The following DNM3 variants were observed in gnomAD, a reference collection of about 807,000 sequenced individuals.
DNM3 encodes the protein dynamin-3.
Under a neutral mutation model 101.6 loss-of-function variants are expected in DNM3, and 47 were observed. The observed-to-expected ratio is 0.46, with a 90% CI of 0.37 to 0.59. The LOEUF is 0.59. Among genes scored for constraint, DNM3 ranks in the 20% least tolerant of loss-of-function variants. The pLI, the probability that DNM3 is intolerant of heterozygous loss-of-function variation, is 0.00. For missense variants in DNM3, 849 were observed against 1,085.7 expected (o/e 0.78, Z 3.06); for synonymous variants, 385 against 387.9 (o/e 0.99, Z 0.09).
chr1:172,347,917 A>G (rs1253125241), intron 17 of DNM3, among the ~76,000 whole-genome samples: 4 of 152,172 alleles, frequency 2.6e-5, no homozygotes, highest in Non-Finnish European at 5.9e-5. Context: ...AGTACATTCA[A>G]TGGTATGCAT....
chr1:172,405,194 T>TCCCCCC (rs773412507), intron 20 of DNM3, among the ~76,000 whole-genome samples: 115 of 152,262 alleles, frequency 7.6e-4, no homozygotes, highest in Non-Finnish European at 1.5e-3. Flanking sequence ...TCTTCATTTG[T>TCCCCCC]CCATTATTCA....
At chr1:172,025,564 A>T (rs1397482123) in intron 4 of DNM3, among the ~76,000 whole-genome samples, 1 of 152,138 alleles carries the variant, frequency 6.6e-6, no homozygotes, top group Non-Finnish European at 1.5e-5. Flanking sequence ...TCCGGCTGGC[A>T]TCTTGTGGGT....
intron 17 of DNM3, chr1:172,370,420 G>C (rs185994433): frequency 1.1e-3 from 161 of 152,094 alleles, no homozygotes; most frequent in African/African-American, 3.7e-3. Context: ...AGCAAAAGCA[G>C]TGAGATGCTA....
chr1:172,364,972 T>C (rs1465468887), intron 17 of DNM3, among the ~76,000 whole-genome samples: 1 of 151,932 alleles, frequency 6.6e-6, no homozygotes, highest in African/African-American at 2.4e-5. Flanking sequence ...TGCAGAGTCC[T>C]GAGCCAATTA....
intron 17 of DNM3, among the ~76,000 whole-genome samples, chr1:172,324,559 A>G (rs2065864042): frequency 6.6e-6 from 1 of 152,204 alleles, no homozygotes; most frequent in African/African-American, 2.4e-5. Flanking sequence ...AGGTGAACTC[A>G]GTCGACTTAT....
rs373211480 is a variant in DNM3 at position 172,038,311 on chromosome 1, T to A, written c.850-8T>A. ...TTCAATCTGTGTGTATCATTTTGTT[T>A]TGTTTAGCAACTTACCAACCACATT... On this transcript the variant is annotated splice_region_variant and splice_polypyrimidine_tract_variant and intron_variant, in intron 6 of 20. Coordinates refer to ENST00000627582, the MANE Select transcript of DNM3 (RefSeq NM_015569.5). 1.7e-4 allele frequency: 280 copies of A among 1,613,010 alleles called. No homozygotes were observed. Among genetic ancestry groups the A allele is most frequent in the Non-Finnish European group, 2.2e-4 (255 of 1,179,402 alleles).
intron 17 of DNM3, among the ~76,000 whole-genome samples, chr1:172,337,505 A>C (rs1328938588): frequency 6.6e-6 from 1 of 152,242 alleles, no homozygotes; most frequent in Non-Finnish European, 1.5e-5. Context: ...TGATACACAA[A>C]GTATATTAGC....
chr1:172,396,253 TAA>T (rs2069987168), intron 20 of DNM3, among the ~76,000 whole-genome samples: 1 of 152,246 alleles, frequency 6.6e-6, no homozygotes, highest in South Asian at 2.1e-4. Context: ...GAAAATATGT[TAA>T]GTCAAAATGG....
chr1:171,994,358 T>G (rs1157670512), intron 4 of DNM3, among the ~76,000 whole-genome samples: 2 of 152,168 alleles, frequency 1.3e-5, no homozygotes, highest in African/African-American at 4.8e-5. Flanking sequence ...CTTAAGTCTT[T>G]GCTCAGCATT....
At chr1:172,093,796 A>T (rs2054072486) in intron 13 of DNM3, 25 of 1,461,642 alleles carry the variant, frequency 1.7e-5, no homozygotes, top group Non-Finnish European at 2.3e-5. Flanking sequence ...GTTTGTCTTT[A>T]ACTGATTAAC....
chr1:171,883,363 CCACACACACA>C (rs71107337), intron 1 of DNM3, among the ~76,000 whole-genome samples: 7,390 of 119,894 alleles, frequency 0.062, 266 homozygotes, highest in African/African-American at 0.084. Flanking sequence ...CAAAAAAGGA[CCACACACACA>C]CACACACACA....
intron 1 of DNM3, among the ~76,000 whole-genome samples, chr1:171,907,609 G>C (rs899398511): frequency 6.6e-6 from 1 of 152,034 alleles, no homozygotes; most frequent in Non-Finnish European, 1.5e-5. Context: ...GAGGTGATCT[G>C]GCGCCCCTTT....
intron 14 of DNM3, among the ~76,000 whole-genome samples, chr1:172,244,911 C>T (rs74225369): frequency 0.17 from 25,153 of 152,154 alleles, 2,431 homozygotes; most frequent in East Asian, 0.24. Flanking sequence ...TTCTTAAAAG[C>T]AATAAACACC....
chr1:171,867,010 G>C (rs1168512692), intron 1 of DNM3, among the ~76,000 whole-genome samples: 1 of 152,222 alleles, frequency 6.6e-6, no homozygotes, highest in East Asian at 1.9e-4. Flanking sequence ...GTGCACCTAA[G>C]GTTCCAACAA....
At chr1:172,009,435 C>T in intron 4 of DNM3, among the ~76,000 whole-genome samples, 1 of 151,308 alleles carries the variant, frequency 6.6e-6, no homozygotes, top group East Asian at 1.9e-4. Context: ...ACATCTGTAG[C>T]ATGTACTATC....
rs367583208 is a variant in DNM3 at position 171,950,522 on chromosome 1, G to T, written c.235+28701G>T. Among the ~76,000 whole-genome samples the T allele has an allele frequency of 2.0e-4, 31 of 152,210 alleles. 1 individual carries two copies. The East Asian group carries it at 5.8e-3, about 28-fold the overall frequency. On this transcript the variant is annotated intron_variant, in intron 2 of 20. Coordinates refer to ENST00000627582, the MANE Select transcript of DNM3 (RefSeq NM_015569.5). ...GCTTGGTAGGTTCAGCATATTAAAC[G>T]CACTTTTGACTTAAAATATTTTCAA... is the stretch of plus-strand genomic sequence containing the variant.
intron 14 of DNM3, among the ~76,000 whole-genome samples, chr1:172,184,084 T>G (rs515060): frequency 0.24 from 35,856 of 151,882 alleles, 7,045 homozygotes; most frequent in African/African-American, 0.54. Context: ...TTCTGCAAAG[T>G]AGCGTGAGGA....
chr1:171,946,216 C>T (rs542350217), intron 2 of DNM3, among the ~76,000 whole-genome samples: 3 of 152,052 alleles, frequency 2.0e-5, no homozygotes, highest in African/African-American at 4.8e-5. Context: ...GTTCAGTTAC[C>T]TGGGGCCTGC....
At position 171,841,780 on chromosome 1, in the gene DNM3, G is replaced by T. The variant is rs754458688; in HGVS notation, c.124G>T (p.Ala42Ser). Residue 42 changes from alanine to serine, a missense_variant, in exon 1 of 21, where the codon GCC (alanine) becomes TCC (serine). Physicochemically the swap from Ala to Ser is moderately conservative, Grantham distance 99 (BLOSUM62 1). Around this residue, in one of 5 missense-constraint regions of DNM3, gnomAD observed 388 missense variants for 483.0 expected, o/e 0.80. Coordinates refer to ENST00000627582, the MANE Select transcript of DNM3 (RefSeq NM_015569.5). ...PQIAVVGGQS[A>S]GKSSVLENFV... The stretch of plus-strand genomic sequence containing the variant: ...GATCGCCGTGGTGGGCGGCCAGAGC[G>T]CCGGCAAGAGCTCGGTGCTCGAGAA... 3.7e-6 allele frequency: 6 copies of T among 1,610,050 alleles called. No homozygotes were observed. The South Asian group carries it at 5.5e-5, about 15-fold the overall frequency.
Sources: gnomAD v4.1 joint callset for allele counts (sites outside exome capture counted in the v4.1 genomes callset) on GRCh38, gnomAD v4.1.1 for gene constraint, gnomAD v4.1.1 regional missense constraint, MANE v1.5 for transcripts, NCBI Gene and HGNC (gene_info 2026-07-23, HGNC 2026-07-21) for gene names.